GSE1: variants seen among roughly 807,000 people sequenced by gnomAD.
GSE1 encodes the protein genetic suppressor element 1.
Under a neutral mutation model 112.6 loss-of-function variants are expected in GSE1, and 32 were observed. The ratio of observed to expected loss-of-function variants is 0.28; its 90% CI spans 0.21 to 0.38. The LOEUF (loss-of-function observed/expected upper bound fraction) is 0.38. Among genes scored for constraint, GSE1 ranks in the 10% least tolerant of loss-of-function variants. The pLI, the probability that GSE1 is intolerant of heterozygous loss-of-function variation, is 1.00. For synonymous variants in GSE1, 1,115 were observed against 735.6 expected (o/e 1.52, Z -8.35); for missense variants, 2,348 against 1,699.2 (o/e 1.38, Z -6.71).
At chr16:85,231,542 A>C (rs931677883) in intron 1 of GSE1, among the ~76,000 whole-genome samples, 1 of 152,218 alleles carries the variant, frequency 6.6e-6, no homozygotes, top group Non-Finnish European at 1.5e-5. Flanking sequence ...ATGGTTAGAC[A>C]AAATAGACAG....
chr16:85,528,770 G>C (rs1044174192), intron 2 of GSE1, among the ~76,000 whole-genome samples: 4 of 152,092 alleles, frequency 2.6e-5, no homozygotes, highest in African/African-American at 9.7e-5. Context: ...ATCGTCTGGG[G>C]GAAGTGCAAG....
intron 1 of GSE1, among the ~76,000 whole-genome samples, chr16:85,218,481 G>C (rs565560326): frequency 2.0e-4 from 30 of 152,242 alleles, no homozygotes; most frequent in African/African-American, 5.5e-4. Flanking sequence ...CACACTTCTG[G>C]GGCTGCACGT....
chr16:85,533,566 T>C (rs1013842791), intron 2 of GSE1, among the ~76,000 whole-genome samples: 3 of 151,026 alleles, frequency 2.0e-5, no homozygotes, highest in African/African-American at 7.3e-5. Flanking sequence ...TTTTAGCTTT[T>C]AATATCAATG....
intron 1 of GSE1, among the ~76,000 whole-genome samples, chr16:85,240,428 G>T (rs894857959): frequency 8.5e-5 from 13 of 152,212 alleles, no homozygotes; most frequent in African/African-American, 3.1e-4. Context: ...TCAGCATCCG[G>T]CACTTCCGAC....
chr16:85,534,086 C>G (rs1314582285), intron 2 of GSE1, among the ~76,000 whole-genome samples: 2 of 151,734 alleles, frequency 1.3e-5, no homozygotes, highest in African/African-American at 4.8e-5. Flanking sequence ...CAACTGTCAT[C>G]TGCTTTACAT....
intron 6 of GSE1, 109 bp downstream of exon 6, chr16:85,656,026 C>T (rs1308344241): frequency 8.1e-6 from 7 of 862,354 alleles, no homozygotes; most frequent in Admixed American, 5.3e-5. Flanking sequence ...CATGCCTGTC[C>T]TCACAGTTTG....
chr16:85,312,421 C>T (rs1024799171), intron 1 of GSE1, among the ~76,000 whole-genome samples: 1 of 152,212 alleles, frequency 6.6e-6, no homozygotes, highest in Admixed American at 6.5e-5. Flanking sequence ...CCATTGGTCC[C>T]AGGTGTGCCT....
intron 3 of GSE1, among the ~76,000 whole-genome samples, chr16:85,652,260 G>A (rs1356274094): frequency 1.3e-5 from 2 of 152,262 alleles, no homozygotes; most frequent in East Asian, 3.8e-4. Flanking sequence ...CACGAGGCAC[G>A]ACAGGATGGC....
At chr16:85,187,108 G>C (rs1274894469) in intron 1 of GSE1, among the ~76,000 whole-genome samples, 4 of 152,232 alleles carry the variant, frequency 2.6e-5, no homozygotes, top group African/African-American at 9.6e-5. Flanking sequence ...TCTTGTTTCT[G>C]TCGCCTCCAG....
intron 2 of GSE1, among the ~76,000 whole-genome samples, chr16:85,390,105 T>C (rs1051980737): frequency 6.6e-6 from 1 of 152,192 alleles, no homozygotes; most frequent in African/African-American, 2.4e-5. Flanking sequence ...ATTTATAAAA[T>C]TATTTATTTG....
In GSE1 at chr16:85,654,339, C is replaced by T. The variant is rs755465395; in HGVS notation, c.488C>T (p.Pro163Leu). The stretch of plus-strand genomic sequence containing the variant: ...CGCCTCATTGTGGAGCCCCCGCTCC[C>T]TCAGGAGAAGGCAGGGGGACCAGCC... Reference protein sequence around the residue: ...RERLIVEPPLPQEKAGGPAIP... With the variant: ...RERLIVEPPLLQEKAGGPAIP... Residue 163 changes from proline (P) to leucine (L), a missense_variant, in exon 4 of 16, where the codon CCT becomes CTT. Physicochemically the swap from Pro to Leu is moderately conservative, Grantham distance 98. Coordinates refer to ENST00000253458, the MANE Select transcript of GSE1 (RefSeq NM_014615.5). The T allele has an allele frequency of 2.5e-6, 4 of 1,612,190 alleles. No individual in the cohort carries two copies. The highest frequency in any genetic ancestry group is 1.1e-5 in the South Asian group (1 of 91,034).
intron 1 of GSE1, among the ~76,000 whole-genome samples, chr16:85,325,308 G>A (rs1421087021): frequency 6.6e-6 from 1 of 152,140 alleles, no homozygotes; most frequent in Non-Finnish European, 1.5e-5. Context: ...GGCGAGGGGG[G>A]CAGGCCTTGG....
chr16:85,473,809 G>T (rs371512411), intron 2 of GSE1, among the ~76,000 whole-genome samples: 3 of 152,076 alleles, frequency 2.0e-5, no homozygotes, highest in African/African-American at 7.2e-5. Context: ...ACTACAGGAG[G>T]ACAGCAGAGA....
At chr16:85,614,847 A>T (rs2048269394) in intron 1 of GSE1, among the ~76,000 whole-genome samples, 1 of 152,198 alleles carries the variant, frequency 6.6e-6, no homozygotes, top group Non-Finnish European at 1.5e-5. Context: ...CACCAAATGG[A>T]AAGAGGGCTC....
intron 1 of GSE1, among the ~76,000 whole-genome samples, chr16:85,331,363 G>GTATATATATATATATATA (rs1396264079): frequency 2.2e-5 from 1 of 45,436 alleles, no homozygotes; most frequent in Admixed American, 2.6e-4. Flanking sequence ...GTGTGTGTGT[G>GTATATATATATATATATA]TGTATATATG....
chr16:85,446,671 G>C (rs1203773358), intron 2 of GSE1, among the ~76,000 whole-genome samples: 2 of 152,216 alleles, frequency 1.3e-5, no homozygotes, highest in Non-Finnish European at 2.9e-5. Context: ...TGCCTGCATG[G>C]CAGGGAGACC....
chr16:85,481,123 C>G lies in GSE1; in HGVS notation c.2464+123480C>G, dbSNP rs1413802136. On this transcript the variant is annotated intron_variant, in intron 2 of 2. Coordinates refer to the GSE1 transcript ENST00000637419. ...CTCTTCCTGGGACAGCCACGCCTCG[C>G]TTCTCTCCCCACCCGGTCCATCCCC... Among the ~76,000 whole-genome samples the G allele has an allele frequency of 2.0e-5, 3 of 152,384 alleles. No individual in the cohort carries two copies. The East Asian group carries it at 5.8e-4, about 29-fold the overall frequency.
intron 2 of GSE1, among the ~76,000 whole-genome samples, chr16:85,512,615 C>T (rs1303061390): frequency 6.6e-6 from 1 of 152,182 alleles, no homozygotes; most frequent in African/African-American, 2.4e-5. Flanking sequence ...TCATCTCCTA[C>T]TTTGAGTAGC....
chr16:85,329,661 G>A (rs1002171166), intron 1 of GSE1, among the ~76,000 whole-genome samples: 1 of 151,966 alleles, frequency 6.6e-6, no homozygotes, highest in Non-Finnish European at 1.5e-5. Context: ...CCGGTGTTCT[G>A]AGGGGATTAG....
Sources: allele counts gnomAD v4.1 joint callset (sites outside exome capture counted in the v4.1 genomes callset), GRCh38; gene constraint gnomAD v4.1.1; transcripts MANE v1.5; gene names NCBI Gene and HGNC (gene_info 2026-07-23, HGNC 2026-07-21).